The following ARHGAP6 variants were observed in gnomAD, a reference collection of about 807,000 sequenced individuals.
The protein encoded by ARHGAP6 is rho GTPase-activating protein 6.
A neutral mutation model predicts 55.7 loss-of-function variants in ARHGAP6; 16 were observed. The ratio of observed to expected loss-of-function variants is 0.29; its 90% CI spans 0.19 to 0.44. ARHGAP6 has a LOEUF of 0.44. Ranked by LOEUF, ARHGAP6 falls within the 20% of genes least tolerant of loss-of-function variation. ARHGAP6 has a pLI of 1.00. For missense variants in ARHGAP6, 698 were observed against 808.9 expected (o/e 0.86, Z 1.66); for synonymous variants, 382 against 360.9 (o/e 1.06, Z -0.66).
intron 1 of ARHGAP6, among the ~76,000 whole-genome samples, chrX:11,456,960 G>A (rs2050199255): frequency 1.8e-5 from 2 of 111,475 alleles, no homozygotes; most frequent in South Asian, 7.5e-4. Flanking sequence ...GGAACACAAT[G>A]CTTAGGTCTG....
chrX:11,502,418 A>T (rs957789188), intron 1 of ARHGAP6, among the ~76,000 whole-genome samples: 6 of 112,675 alleles, frequency 5.3e-5, no homozygotes, highest in African/African-American at 1.9e-4. Flanking sequence ...TGATAGTCAC[A>T]TGGGTGAGTC....
At chrX:11,265,817 T>C in intron 1 of ARHGAP6, 5 of 939,954 alleles carry the variant, frequency 5.3e-6, no homozygotes, top group East Asian at 8.9e-5. Context: ...TGGCAGATCA[T>C]ATTGAATGTC....
chrX:11,243,903 C>T (rs912857714), intron 2 of ARHGAP6, among the ~76,000 whole-genome samples: 5 of 112,034 alleles, frequency 4.5e-5, no homozygotes, highest in Admixed American at 9.5e-5. Flanking sequence ...TCTACCATAT[C>T]GCCTAGGTGT....
intron 1 of ARHGAP6, among the ~76,000 whole-genome samples, chrX:11,465,923 G>C: frequency 9.5e-6 from 1 of 104,899 alleles, no homozygotes; most frequent in East Asian, 3.1e-4. Flanking sequence ...AGACGAGTAT[G>C]TCTCCTCCTC....
intron 1 of ARHGAP6, among the ~76,000 whole-genome samples, chrX:11,361,217 C>G (rs2049006083): frequency 9.2e-6 from 1 of 108,956 alleles, no homozygotes; most frequent in Non-Finnish European, 1.9e-5. Context: ...GCCAAAAGAA[C>G]AAAGCTGGAG....
chrX:11,173,311 G>C (rs754821914), intron 8 of ARHGAP6, among the ~76,000 whole-genome samples: 3 of 112,167 alleles, frequency 2.7e-5, no homozygotes, highest in Non-Finnish European at 5.6e-5. Context: ...CTAGAGGCAT[G>C]TACCTCCTCA....
chrX:11,284,303 A>T (rs1304989111), intron 1 of ARHGAP6, among the ~76,000 whole-genome samples: 1 of 112,383 alleles, frequency 8.9e-6, no homozygotes, highest in Non-Finnish European at 1.9e-5. Flanking sequence ...ACAAGTTCCC[A>T]GGTGATACCA....
intron 1 of ARHGAP6, chrX:11,351,678 C>T (rs1212753697): frequency 1.8e-6 from 1 of 564,188 alleles, no homozygotes; most frequent in African/African-American, 2.5e-5. Flanking sequence ...GCTGGACCCA[C>T]AGTGCAGCTG....
At chrX:11,634,338 C>G (rs190488663) in intron 1 of ARHGAP6, among the ~76,000 whole-genome samples, 2 of 111,837 alleles carry the variant, frequency 1.8e-5, no homozygotes, top group East Asian at 5.6e-4. Context: ...ATTTGTTTAA[C>G]CATTCAGTGC....
intron 10 of ARHGAP6, 47 bp downstream of exon 10, chrX:11,156,482 A>G (rs372634992): frequency 4.1e-4 from 439 of 1,068,770 alleles, no homozygotes; most frequent in Non-Finnish European, 5.1e-4. Context: ...AAATGGAAAT[A>G]GAAATCTCCA....
At chrX:11,447,628 G>A (rs143233465) in intron 1 of ARHGAP6, among the ~76,000 whole-genome samples, 2 of 112,311 alleles carry the variant, frequency 1.8e-5, no homozygotes, top group East Asian at 2.8e-4. Context: ...CAGTTTGCTG[G>A]CCCCTGCCTT....
At chrX:11,390,618 A>C (rs1266364299) in intron 1 of ARHGAP6, among the ~76,000 whole-genome samples, 2 of 111,891 alleles carry the variant, frequency 1.8e-5, no homozygotes, top group Non-Finnish European at 3.8e-5. Flanking sequence ...AATTTACAAG[A>C]AAAAAACAAA....
At chrX:11,330,534 G>A (rs981883036) in intron 1 of ARHGAP6, among the ~76,000 whole-genome samples, 9 of 111,271 alleles carry the variant, frequency 8.1e-5, no homozygotes, top group East Asian at 2.8e-4. Context: ...TCTCCTTGGC[G>A]TCTCTGAGGA....
intron 1 of ARHGAP6, among the ~76,000 whole-genome samples, chrX:11,270,985 C>A (rs1252563042): frequency 8.9e-6 from 1 of 111,750 alleles, no homozygotes. Context: ...TTCTACCACA[C>A]TGCAGAGAAT....
At chrX:11,238,815 C>T (rs2047237400) in intron 2 of ARHGAP6, among the ~76,000 whole-genome samples, 1 of 111,890 alleles carries the variant, frequency 8.9e-6, no homozygotes. Context: ...CCCAATCAAG[C>T]CCTAAGATGA....
chrX:11,370,370 A>T (rs989316997), intron 1 of ARHGAP6, among the ~76,000 whole-genome samples: 1 of 112,254 alleles, frequency 8.9e-6, no homozygotes, highest in African/African-American at 3.2e-5. Context: ...CTTACTATTT[A>T]AACCTATAGC....
chrX:11,521,022 A>T (rs1178946371), intron 1 of ARHGAP6, among the ~76,000 whole-genome samples: 2 of 111,347 alleles, frequency 1.8e-5, no homozygotes. Context: ...TTTTTCTTGT[A>T]AATTTGTTTG....
At chrX:11,289,340 T>C (rs189270701) in intron 1 of ARHGAP6, among the ~76,000 whole-genome samples, 2 of 111,370 alleles carry the variant, frequency 1.8e-5, no homozygotes, top group African/African-American at 3.3e-5. Context: ...TTGCTGAACA[T>C]GAGTGAGAAA....
chrX:11,427,036 C>CGCCACAAAGTAGGAGG (rs1176512279), intron 1 of ARHGAP6, among the ~76,000 whole-genome samples: 3 of 110,516 alleles, frequency 2.7e-5, no homozygotes, highest in Non-Finnish European at 5.7e-5. Context: ...CATTCTGTCC[C>CGCCACAAAGTAGGAGG]GCCACAAAGT....
Sources: allele counts gnomAD v4.1 joint callset (sites outside exome capture counted in the v4.1 genomes callset), GRCh38; gene constraint gnomAD v4.1.1; transcripts MANE v1.5; gene names NCBI Gene and HGNC (gene_info 2026-07-23, HGNC 2026-07-21).